The following ST8SIA1 variants were observed in gnomAD, a reference collection of about 807,000 sequenced individuals.
The protein encoded by ST8SIA1 is ST8 alpha-N-acetyl-neuraminide alpha-2,8-sialyltransferase 1, also known as alpha-N-acetylneuraminide alpha-2,8-sialyltransferase.
In ST8SIA1, 16 loss-of-function variants were observed where a neutral mutation model predicts 35.9. That is an observed-to-expected ratio of 0.45 (90% confidence interval 0.30 to 0.68). The LOEUF is 0.68. Among genes scored for constraint, ST8SIA1 ranks in the 30% least tolerant of loss-of-function variants. ST8SIA1 has a pLI of 0.09. For missense variants in ST8SIA1, 383 were observed against 453.6 expected, an observed-to-expected ratio of 0.84 and a Z score of 1.41; for synonymous variants, 170 against 169.6, an observed-to-expected ratio of 1.00 and a Z score of -0.02.
intron 4 of ST8SIA1, among the ~76,000 whole-genome samples, chr12:22,227,303 G>A (rs368271268): frequency 1.3e-4 from 20 of 152,046 alleles, no homozygotes; most frequent in African/African-American, 4.1e-4. Flanking sequence ...GGCCAGGCGC[G>A]GTGGCTCACA....
chr12:22,274,827 C>T (rs55865612), intron 2 of ST8SIA1, among the ~76,000 whole-genome samples: 14,095 of 152,196 alleles, frequency 0.093, 800 homozygotes, highest in East Asian at 0.15. Flanking sequence ...ATTCATTCAG[C>T]ACATTTTAAT....
At chr12:22,295,834 G>A (rs1437846458) in intron 1 of ST8SIA1, among the ~76,000 whole-genome samples, 2 of 152,150 alleles carry the variant, frequency 1.3e-5, no homozygotes, top group South Asian at 2.1e-4. Context: ...AAAGGAAGAC[G>A]ATTTATTTTA....
intron 1 of ST8SIA1, among the ~76,000 whole-genome samples, chr12:22,328,516 C>G (rs74372126): frequency 1.9e-3 from 290 of 152,308 alleles, no homozygotes; most frequent in Middle Eastern, 0.01. Flanking sequence ...TTTTCTGTCT[C>G]TCATCATTAT....
chr12:22,235,644 A>G (rs1183546249), intron 4 of ST8SIA1, among the ~76,000 whole-genome samples: 1 of 152,216 alleles, frequency 6.6e-6, no homozygotes, highest in Non-Finnish European at 1.5e-5. Context: ...TTACACTTAA[A>G]GTTTGCCTTC....
chr12:22,316,010 GAT>G (rs1041722772), intron 1 of ST8SIA1, among the ~76,000 whole-genome samples: 1 of 151,698 alleles, frequency 6.6e-6, no homozygotes, highest in African/African-American at 2.4e-5. Flanking sequence ...ATTTAAAAAA[GAT>G]AGAATTCTAA....
In ST8SIA1 at chr12:22,287,172, A is replaced by G; in HGVS notation, c.358T>C (p.Ser120Pro). ...ACCTGTGGGAAGAGAGAGTAAGTTG[A>G]ATTGTCAATGGTGAATGAGTATAAA... The part of the protein sequence containing the change: ...EFLYSFTIDN[S>P]TYSLFPQATP... The change falls in exon 2 of 5, where the codon TCA becomes CCA. Residue 120 changes from serine (S) to proline (P), a missense_variant. By Grantham distance (74) the Ser-to-Pro change is moderately conservative (BLOSUM62 -1). Transcript: ENST00000396037. 6.2e-7 allele frequency: 1 copy of G among 1,614,024 alleles called. No individual in the cohort carries two copies.
rs199601161 is a variant in ST8SIA1, at chr12:22,303,825, G to GCCACCA, written c.237-16538_237-16533dup. Among the ~76,000 whole-genome samples the GCCACCA allele has an allele frequency of 3.7e-5, 5 of 134,214 alleles. No homozygotes were observed. The East Asian group carries it at 1.1e-3, about 30-fold the overall frequency. The allele number at this position is 134,214 out of a possible 152,430, so 88.0% of individuals were successfully genotyped here. A position where few individuals can be genotyped will look rare whatever the true frequency, so the allele number is the denominator to read the frequency against. On this transcript the variant is annotated intron_variant, in intron 1 of 4. Coordinates refer to ENST00000396037, the MANE Select transcript of ST8SIA1 (RefSeq NM_003034.4). ...CCTCTGAAGTGGCTAAATCCGCCCC[G>GCCACCA]CCACCACCACCACCACCCTGCCACA...
intron 2 of ST8SIA1, among the ~76,000 whole-genome samples, chr12:22,271,759 A>C (rs956261432): frequency 2.0e-5 from 3 of 152,128 alleles, no homozygotes; most frequent in African/African-American, 7.2e-5. Context: ...TGTGTCCTAC[A>C]TCAGCCTTTC....
intron 4 of ST8SIA1, among the ~76,000 whole-genome samples, chr12:22,202,519 T>G (rs1330286248): frequency 6.6e-6 from 1 of 152,224 alleles, no homozygotes. Context: ...TCATCAATGC[T>G]ACAACTATAA....
intron 4 of ST8SIA1, among the ~76,000 whole-genome samples, chr12:22,217,779 T>C (rs1865250374): frequency 6.6e-6 from 1 of 152,180 alleles, no homozygotes; most frequent in Admixed American, 6.5e-5. Context: ...CTCTCCTCTT[T>C]GCAAAAGCAA....
chr12:22,262,272 T>G (rs1865801684), intron 2 of ST8SIA1, among the ~76,000 whole-genome samples: 1 of 152,228 alleles, frequency 6.6e-6, no homozygotes, highest in Non-Finnish European at 1.5e-5. Context: ...CCCTGTTTGT[T>G]GTGCCTTATG....
intron 4 of ST8SIA1, among the ~76,000 whole-genome samples, chr12:22,231,223 ATGAACAATG>A (rs901442301): frequency 4.0e-5 from 6 of 151,072 alleles, no homozygotes; most frequent in Admixed American, 2.6e-4. Context: ...AATGAATTAA[ATGAACAATG>A]TTGCACGTGA....
chr12:22,242,356 G>T (rs1352851446), intron 4 of ST8SIA1, among the ~76,000 whole-genome samples: 1 of 152,040 alleles, frequency 6.6e-6, no homozygotes, highest in African/African-American at 2.4e-5. Context: ...CATCTTTTCT[G>T]ACAAAAAGTT....
chr12:22,232,021 A>C (rs962958391), intron 4 of ST8SIA1, among the ~76,000 whole-genome samples: 1 of 152,204 alleles, frequency 6.6e-6, no homozygotes, highest in African/African-American at 2.4e-5. Context: ...AACCACAAGG[A>C]GACAGGAGAC....
At chr12:22,293,802 A>T (rs977591624) in intron 1 of ST8SIA1, among the ~76,000 whole-genome samples, 3 of 152,176 alleles carry the variant, frequency 2.0e-5, no homozygotes, top group African/African-American at 7.2e-5. Context: ...CCCTTTCTGA[A>T]TAATAAGTTG....
intron 3 of ST8SIA1, among the ~76,000 whole-genome samples, chr12:22,251,294 T>C (rs1000746440): frequency 3.3e-5 from 5 of 152,170 alleles, no homozygotes; most frequent in African/African-American, 9.7e-5. Flanking sequence ...CATGAGTAAA[T>C]ACTTTGTTTT....
chr12:22,261,892 T>C (rs1003820061), intron 2 of ST8SIA1, among the ~76,000 whole-genome samples: 1 of 152,204 alleles, frequency 6.6e-6, no homozygotes, highest in African/African-American at 2.4e-5. Context: ...GGAGCTGTTA[T>C]GGATGCTGAA....
At position 22,334,521 on chromosome 12, in the gene ST8SIA1, A is replaced by T; in HGVS notation, c.-289T>A. 2.1e-6 allele frequency: 1 copy of T among 480,812 alleles called. No homozygotes were observed. Among genetic ancestry groups the T allele is most frequent in the Non-Finnish European group, 3.7e-6 (1 of 267,570 alleles). The allele number at this position is 480,812 out of a possible 1,614,324, so 29.8% of individuals were successfully genotyped here. A position where few individuals can be genotyped will look rare whatever the true frequency, so the allele number is the denominator to read the frequency against. ...CAGAAGGCGGGCGCTGGGGTCTCCG[A>T]GTGCGCAGAGAGCGGCGGCGGCGAG... is the stretch of plus-strand genomic sequence containing the variant. On this transcript the variant is annotated 5_prime_UTR_variant, in exon 1 of 5. Transcript: ENST00000396037.
chr12:22,208,625 GGTAA>G (rs1247630467), intron 4 of ST8SIA1, among the ~76,000 whole-genome samples: 23 of 152,152 alleles, frequency 1.5e-4, no homozygotes, highest in African/African-American at 5.3e-4. Context: ...AATTTGATAA[GGTAA>G]TTCTAAACAT....
Sources: allele counts gnomAD v4.1 joint callset (sites outside exome capture counted in the v4.1 genomes callset), GRCh38; gene constraint gnomAD v4.1.1; transcripts MANE v1.5; gene names NCBI Gene and HGNC (gene_info 2026-07-23, HGNC 2026-07-21).